Variants in TMTC3 observed in about 807,000 individuals in gnomAD.
The protein encoded by TMTC3 is protein O-mannosyl-transferase TMTC3.
Under a neutral mutation model 92.2 loss-of-function variants are expected in TMTC3, and 52 were observed. The observed-to-expected ratio is 0.56, with a 90% confidence interval of 0.45 to 0.71. The LOEUF is 0.71. TMTC3 is among the 30% of genes least tolerant of loss of function. The pLI is 0.00. For synonymous variants in TMTC3, 339 were observed against 363.3 expected, an observed-to-expected ratio of 0.93 and a Z score of 0.76; for missense variants, 896 against 1,057.1, an observed-to-expected ratio of 0.85 and a Z score of 2.11.
chr12:88,198,313 G>GAA lies in TMTC3; in HGVS notation c.*2667_*2668dup. On this transcript the variant is annotated 3_prime_UTR_variant, in exon 14 of 14. Coordinates refer to ENST00000266712, the MANE Select transcript of TMTC3 (RefSeq NM_181783.4). ...AGAGTTCTGATCATATGGAAGTTTG[G>GAA]AAAAGAGAGCTTATCACAGGTTTGT... is the stretch of plus-strand genomic sequence containing the variant. The GAA allele has an allele frequency of 2.5e-6, 1 of 397,950 alleles. No individual in the cohort carries two copies. The highest frequency in any genetic ancestry group is 4.4e-6 in the Non-Finnish European group (1 of 225,612). 24.7% of individuals were successfully genotyped at this position (397,950 alleles called of 1,614,324 possible).
chr12:88,174,733 G>A lies in TMTC3; in HGVS notation c.1320+6G>A, dbSNP rs1485152036. On this transcript the variant is annotated splice_donor_region_variant and intron_variant, in intron 9 of 13. Transcript: ENST00000266712. Reference sequence around the variant, plus strand: ...TGTTTATGTCAGCCTTGAAGGTAAAGTGTTGTTCAGAATGACAGGAAAGTA... The same window carrying A: ...TGTTTATGTCAGCCTTGAAGGTAAAATGTTGTTCAGAATGACAGGAAAGTA... 1 of 1,611,460 alleles carries A rather than the reference G, an allele frequency of 6.2e-7. No homozygotes were observed. The highest frequency in any genetic ancestry group is 2.2e-5 in the East Asian group (1 of 44,658).
chr12:88,147,918 T>C (rs11834677), intron 1 of TMTC3, among the ~76,000 whole-genome samples: 2,448 of 152,202 alleles, frequency 0.016, 66 homozygotes, highest in African/African-American at 0.055. Flanking sequence ...ACCTAAAATA[T>C]ATGGACAGAC....
intron 7 of TMTC3, among the ~76,000 whole-genome samples, chr12:88,171,030 A>C (rs2041199480): frequency 6.6e-6 from 1 of 152,150 alleles, no homozygotes; most frequent in Non-Finnish European, 1.5e-5. Context: ...GCATACACTA[A>C]GCTTCTAGTT....
chr12:88,183,617 C>T (rs1003567554), intron 10 of TMTC3, among the ~76,000 whole-genome samples: 2 of 152,034 alleles, frequency 1.3e-5, no homozygotes, highest in Non-Finnish European at 2.9e-5. Context: ...TTAGGTTATT[C>T]TGTGTAGTGC....
At chr12:88,161,961 T>G (rs1168279490) in intron 6 of TMTC3, among the ~76,000 whole-genome samples, 1 of 152,024 alleles carries the variant, frequency 6.6e-6, no homozygotes, top group East Asian at 1.9e-4. Flanking sequence ...AAAAAGTATT[T>G]TACATTAACC....
chr12:88,177,381 T>G (rs2041271574), intron 10 of TMTC3, among the ~76,000 whole-genome samples: 1 of 152,020 alleles, frequency 6.6e-6, no homozygotes, highest in Admixed American at 6.6e-5. Context: ...GCTATAATAG[T>G]GATGGCATAG....
intron 1 of TMTC3, among the ~76,000 whole-genome samples, chr12:88,145,468 A>G (rs1044886257): frequency 6.6e-6 from 1 of 152,188 alleles, no homozygotes; most frequent in African/African-American, 2.4e-5. Context: ...TGTGAACCAA[A>G]AAGTGTCTAA....
intron 6 of TMTC3, among the ~76,000 whole-genome samples, chr12:88,162,209 T>A (rs1206904883): frequency 6.6e-6 from 1 of 152,184 alleles, no homozygotes; most frequent in Non-Finnish European, 1.5e-5. Flanking sequence ...TCTATCATCC[T>A]TATCTCTTTA....
intron 10 of TMTC3, among the ~76,000 whole-genome samples, chr12:88,177,628 G>A (rs1341028808): frequency 6.6e-6 from 1 of 152,132 alleles, no homozygotes. Flanking sequence ...TGCTATTGGC[G>A]TTTTGAGTGC....
At chr12:88,184,660 A>G (rs1482185162) in intron 10 of TMTC3, among the ~76,000 whole-genome samples, 3 of 152,252 alleles carry the variant, frequency 2.0e-5, no homozygotes, top group Admixed American at 2.0e-4. Flanking sequence ...ATGTGTCAAG[A>G]CACTGTTTTA....
intron 7 of TMTC3, among the ~76,000 whole-genome samples, chr12:88,168,325 A>G (rs1241177323): frequency 6.6e-6 from 1 of 152,192 alleles, no homozygotes; most frequent in Non-Finnish European, 1.5e-5. Flanking sequence ...GAGAGCTAGT[A>G]TAGACCTGTA....
chr12:88,193,817 A>G (rs1395106353), intron 13 of TMTC3, among the ~76,000 whole-genome samples: 1 of 152,204 alleles, frequency 6.6e-6, no homozygotes, highest in Non-Finnish European at 1.5e-5. Context: ...CTTGATAATC[A>G]TGAAGGATGC....
chr12:88,155,556 A>G (rs1231847199), intron 4 of TMTC3, among the ~76,000 whole-genome samples: 1 of 152,212 alleles, frequency 6.6e-6, no homozygotes, highest in Non-Finnish European at 1.5e-5. Context: ...GTTCCCAAAC[A>G]GGCAGAGCAC....
chr12:88,169,277 GTAAATA>G (rs2138399977), intron 7 of TMTC3, among the ~76,000 whole-genome samples: 1 of 152,168 alleles, frequency 6.6e-6, no homozygotes, highest in South Asian at 2.1e-4. Context: ...TGCCACTCTG[GTAAATA>G]CAGACAAAAG....
intron 10 of TMTC3, among the ~76,000 whole-genome samples, chr12:88,181,133 C>T (rs1302892349): frequency 6.6e-6 from 1 of 152,024 alleles, no homozygotes; most frequent in Non-Finnish European, 1.5e-5. Context: ...ATAAGCCAGA[C>T]CATTATCAGT....
At chr12:88,172,044 G>A (rs2138405668) in intron 7 of TMTC3, among the ~76,000 whole-genome samples, 1 of 152,044 alleles carries the variant, frequency 6.6e-6, no homozygotes, top group Admixed American at 6.6e-5. Context: ...AAATTGGGTT[G>A]TTTTCTTATG....
intron 11 of TMTC3, 85 bp from the exon 12 acceptor site, chr12:88,190,368 A>C (rs1323356413): frequency 1.6e-6 from 2 of 1,253,090 alleles, no homozygotes; most frequent in Admixed American, 3.9e-5. Flanking sequence ...GTTCTGAGTT[A>C]TTTTGAATTA....
intron 5 of TMTC3, 38 bp downstream of exon 5, chr12:88,160,267 T>C: frequency 8.3e-7 from 1 of 1,209,346 alleles, no homozygotes; most frequent in East Asian, 2.8e-5. Context: ...TTCTTATTGA[T>C]ATATTTTATC....
At chr12:88,142,670 A>C (rs1281413962) in intron 1 of TMTC3, among the ~76,000 whole-genome samples, 183 bp downstream of exon 1, 1 of 152,182 alleles carries the variant, frequency 6.6e-6, no homozygotes, top group Non-Finnish European at 1.5e-5. Context: ...GAAGGAAAAA[A>C]CAAAAAGTTT....
Sources: gnomAD v4.1 joint callset for allele counts (sites outside exome capture counted in the v4.1 genomes callset) on GRCh38, gnomAD v4.1.1 for gene constraint, MANE v1.5 for transcripts, NCBI Gene and HGNC (gene_info 2026-07-23, HGNC 2026-07-21) for gene names.